FAHD1: variants seen among roughly 807,000 people sequenced by gnomAD.
FAHD1 encodes oxaloacetate tautomerase FAHD1, mitochondrial.
A neutral mutation model predicts 12.7 loss-of-function variants in FAHD1; 14 were observed. The observed-to-expected ratio is 1.10, with a 90% confidence interval of 0.73 to 1.72. FAHD1 has a LOEUF of 1.72. Among genes scored for constraint, FAHD1 ranks in the 40% most tolerant of loss-of-function variants. FAHD1 has a pLI of 0.00. For missense variants in FAHD1, 351 were observed against 298.9 expected (o/e 1.17, Z -1.29); for synonymous variants, 153 against 124.9 (o/e 1.22, Z -1.50).
intron 1 of FAHD1, chr16:1,837,701 G>C: frequency 1.4e-6 from 1 of 709,290 alleles, no homozygotes; most frequent in Non-Finnish European, 2.2e-6. Context: ...ATAAATTCTC[G>C]AATTTATCTA....
exon 1 of FAHD1, chr16:1,828,902 C>G (rs1267648751): frequency 1.0e-6 from 1 of 1,000,160 alleles, no homozygotes; most frequent in African/African-American, 1.7e-5. Context: ...TAAAGGTGCT[C>G]CCTTCTAAGT....
At chr16:1,831,195 G>A (rs770602665), downstream of FAHD1, among the ~76,000 whole-genome samples, 1 of 151,988 alleles carries the variant, frequency 6.6e-6, no homozygotes, top group African/African-American at 2.4e-5. Flanking sequence ...AATATATCAC[G>A]AACATATTTC....
chr16:1,831,082 A>C (rs1898614266), downstream of FAHD1, among the ~76,000 whole-genome samples: 1 of 152,218 alleles, frequency 6.6e-6, no homozygotes, highest in African/African-American at 2.4e-5. Context: ...TCCACAGTGT[A>C]TTAGTCTGTA....
At chr16:1,828,804 T>C (rs1898567255) in exon 1 of FAHD1, 1 of 997,062 alleles carries the variant, frequency 1.0e-6, no homozygotes, top group South Asian at 4.7e-5. Context: ...GAACAAGTAA[T>C]GAAGATTTCA....
exon 2 of FAHD1, chr16:1,838,085 C>T (rs1374810012): frequency 1.2e-6 from 1 of 831,922 alleles, no homozygotes; most frequent in East Asian, 2.7e-5. Context: ...CAGCCTCGAA[C>T]TCCCGGGGTC....
chr16:1,828,923 G>A (rs11643306), downstream of FAHD1: 1 of 999,048 alleles, frequency 1.0e-6, no homozygotes, highest in Non-Finnish European at 1.2e-6. Context: ...GGCTTACAAG[G>A]GTAATTTTTT....
At chr16:1,833,305 C>T (rs1898655917), downstream of FAHD1, among the ~76,000 whole-genome samples, 1 of 152,114 alleles carries the variant, frequency 6.6e-6, no homozygotes, top group Non-Finnish European at 1.5e-5. Flanking sequence ...AAGTTGGTCT[C>T]CTCCCAGTTG....
chr16:1,831,909 C>T (rs1254476931), downstream of FAHD1, among the ~76,000 whole-genome samples: 2 of 152,086 alleles, frequency 1.3e-5, no homozygotes, highest in African/African-American at 4.8e-5. Flanking sequence ...CGCCCCCCGA[C>T]CCGGCAATCC....
chr16:1,839,738 C>T (rs140234821), exon 3 of FAHD1: 260 of 292,226 alleles, frequency 8.9e-4, no homozygotes, highest in African/African-American at 5.3e-3. Context: ...CCTCCCTTCT[C>T]GTATCCCAGC....
At position 1,828,655 on chromosome 16, in the gene FAHD1, C is replaced by T. The variant is rs772190781; in HGVS notation, c.*751C>T. ...AAATCTCCACAAATTACTGGCCCATCTCGGACTTGCTGAATCAATTTGATA... is the reference window on the plus strand; with the variant it reads ...AAATCTCCACAAATTACTGGCCCATTTCGGACTTGCTGAATCAATTTGATA... On this transcript the variant is annotated 3_prime_UTR_variant, in exon 1 of 1. Transcript: ENST00000427358. 1.4e-5 allele frequency: 13 copies of T among 950,946 alleles called. No individual in the cohort carries two copies. In the South Asian group the frequency reaches 2.0e-4, roughly 15 times the overall value. The allele number at this position is 950,946 out of a possible 1,614,324, so 58.9% of individuals were successfully genotyped here.
At chr16:1,828,205 C>A in exon 1 of FAHD1, 1 of 873,718 alleles carries the variant, frequency 1.1e-6, no homozygotes, top group Middle Eastern at 5.4e-4. Flanking sequence ...CAATTGAACC[C>A]GGGAGGCGGA....
chr16:1,827,758 T>G, exon 1 of FAHD1: 1 of 1,614,158 alleles, frequency 6.2e-7, no homozygotes, highest in Non-Finnish European at 8.5e-7. Flanking sequence ...CAGCTATGTT[T>G]CTAAGATCAT....
chr16:1,833,214 T>TA (rs113302467), downstream of FAHD1, among the ~76,000 whole-genome samples: 6 of 152,288 alleles, frequency 3.9e-5, no homozygotes, highest in African/African-American at 1.4e-4. Context: ...AGCAAACAGA[T>TA]AAAGTGGCAG....
At chr16:1,839,359 CAG>C (rs1403800448) in exon 3 of FAHD1, 1 of 1,614,172 alleles carries the variant, frequency 6.2e-7, no homozygotes, top group Non-Finnish European at 8.5e-7. Flanking sequence ...CTGAGAAAGA[CAG>C]ATTTAAAGTC....
intron 1 of FAHD1, chr16:1,834,094 C>A: frequency 1.8e-6 from 1 of 542,650 alleles, no homozygotes; most frequent in East Asian, 3.1e-5. Context: ...ATGAGAGAGG[C>A]CTTCAGACTC....
At chr16:1,831,571 G>A (rs35002595), downstream of FAHD1, among the ~76,000 whole-genome samples, 1 of 152,116 alleles carries the variant, frequency 6.6e-6, no homozygotes, top group African/African-American at 2.4e-5. Flanking sequence ...GAGCATCCCC[G>A]ACAGATTGCA....
chr16:1,834,316 CGA>C (rs140689936), intron 1 of FAHD1: 2 of 1,613,164 alleles, frequency 1.2e-6, no homozygotes, highest in East Asian at 2.2e-5. Context: ...CAAGCTTGCA[CGA>C]GAGTACACTA....
intron 1 of FAHD1, among the ~76,000 whole-genome samples, chr16:1,835,816 C>T (rs1414033653): frequency 2.6e-5 from 4 of 152,030 alleles, no homozygotes; most frequent in African/African-American, 9.7e-5. Flanking sequence ...ACCCATTCAG[C>T]ATTTTGCATT....
chr16:1,839,241 T>C (rs1036611292), intron 2 of FAHD1: 1 of 1,558,998 alleles, frequency 6.4e-7, no homozygotes, highest in Admixed American at 2.0e-5. Flanking sequence ...CATTTCTTCC[T>C]TTTTGCTATT....
Sources: gnomAD v4.1 joint callset for allele counts (sites outside exome capture counted in the v4.1 genomes callset) on GRCh38, gnomAD v4.1.1 for gene constraint, MANE v1.5 for transcripts, NCBI Gene and HGNC (gene_info 2026-07-23, HGNC 2026-07-21) for gene names.